PTK2B: variants seen among roughly 807,000 people sequenced by gnomAD.
PTK2B encodes the protein protein tyrosine kinase 2 beta, also known as protein-tyrosine kinase 2-beta.
In PTK2B, 71 loss-of-function variants were observed where a neutral mutation model predicts 142.9. The ratio of observed to expected loss-of-function variants is 0.50; its 90% CI spans 0.41 to 0.61. The LOEUF (loss-of-function observed/expected upper bound fraction) is 0.61, where lower values mean the gene tolerates loss of function less well. Among genes scored for constraint, PTK2B ranks in the 20% least tolerant of loss-of-function variants. The pLI is 0.00. For missense variants in PTK2B, 1,105 were observed against 1,320.4 expected (o/e 0.84, Z 2.53); for synonymous variants, 519 against 503.4 (o/e 1.03, Z -0.42).
chr8:27,401,885 G>A (rs142635503), intron 2 of PTK2B, among the ~76,000 whole-genome samples: 10 of 152,216 alleles, frequency 6.6e-5, no homozygotes, highest in African/African-American at 2.4e-4. Context: ...GATAGTGATG[G>A]TGATGGTGAT....
intron 1 of PTK2B, among the ~76,000 whole-genome samples, chr8:27,349,854 C>A (rs1035824934): frequency 6.6e-6 from 1 of 152,176 alleles, no homozygotes; most frequent in Non-Finnish European, 1.5e-5. Context: ...GCTTGCCCTT[C>A]AAGGGCCACC....
chr8:27,350,714 G>T (rs1374160209), intron 1 of PTK2B, among the ~76,000 whole-genome samples: 1 of 151,740 alleles, frequency 6.6e-6, no homozygotes, highest in Non-Finnish European at 1.5e-5. Flanking sequence ...CAAGGTGGCT[G>T]ATGCCTGTAA....
chr8:27,424,670 T>G (rs1254650545), intron 5 of PTK2B, among the ~76,000 whole-genome samples: 2 of 152,198 alleles, frequency 1.3e-5, no homozygotes, highest in Non-Finnish European at 2.9e-5. Context: ...CATTTTAAAG[T>G]CAAGTTACAA....
intron 30 of PTK2B, among the ~76,000 whole-genome samples, chr8:27,457,867 C>T (rs1449201217): frequency 6.6e-6 from 1 of 151,146 alleles, no homozygotes; most frequent in Non-Finnish European, 1.5e-5. Context: ...CCCAGCTACT[C>T]GGGAGGCTGA....
At chr8:27,430,618 C>T (rs1485568136) in intron 7 of PTK2B, among the ~76,000 whole-genome samples, 200 bp downstream of exon 7, 1 of 152,170 alleles carries the variant, frequency 6.6e-6, no homozygotes, top group Non-Finnish European at 1.5e-5. Flanking sequence ...GCTCCGGCTC[C>T]GTATCGAGGC....
chr8:27,430,265 TCTAGGTCC>T, intron 6 of PTK2B, 91 bp from the exon 7 acceptor site: 1 of 1,586,516 alleles, frequency 6.3e-7, no homozygotes, highest in Non-Finnish European at 8.7e-7. Flanking sequence ...TAGGGCCGTC[TCTAGGTCC>T]CAAAGCCCTC....
intron 18 of PTK2B, among the ~76,000 whole-genome samples, chr8:27,438,694 G>A (rs1484138513): frequency 5.3e-5 from 8 of 152,208 alleles, no homozygotes; most frequent in African/African-American, 1.7e-4. Flanking sequence ...GCACAGAAGT[G>A]GAGTGTAGCA....
intron 16 of PTK2B, 84 bp downstream of exon 16, chr8:27,437,290 A>C: frequency 6.5e-7 from 1 of 1,540,836 alleles, no homozygotes; most frequent in South Asian, 1.1e-5. Flanking sequence ...GCAGGGACCC[A>C]TGTTGGAGGA....
intron 21 of PTK2B, among the ~76,000 whole-genome samples, chr8:27,441,871 C>T (rs1301082973): frequency 6.6e-6 from 1 of 151,900 alleles, no homozygotes; most frequent in African/African-American, 2.4e-5. Context: ...GCAGGTGTCT[C>T]TCCTGGGCTG....
chr8:27,329,682 G>A (rs911591131), intron 1 of PTK2B, among the ~76,000 whole-genome samples: 9 of 152,174 alleles, frequency 5.9e-5, no homozygotes, highest in East Asian at 1.9e-4. Context: ...TGTAGAGTAC[G>A]GGTCAGTTCC....
intron 1 of PTK2B, among the ~76,000 whole-genome samples, chr8:27,340,431 T>C (rs1323494470): frequency 3.3e-5 from 5 of 152,140 alleles, no homozygotes; most frequent in African/African-American, 9.7e-5. Context: ...GGGGCCTGTT[T>C]TGGAAGCTGG....
chr8:27,381,006 A>C (rs1386556027), intron 1 of PTK2B, among the ~76,000 whole-genome samples: 1 of 152,244 alleles, frequency 6.6e-6, no homozygotes, highest in African/African-American at 2.4e-5. Flanking sequence ...ATGCTGTATT[A>C]GATACTTCAG....
chr8:27,413,418 A>G (rs896962506), intron 2 of PTK2B, among the ~76,000 whole-genome samples: 2 of 152,222 alleles, frequency 1.3e-5, no homozygotes, highest in African/African-American at 4.8e-5. Flanking sequence ...CCAGGAGCAC[A>G]CATTGCACTT....
intron 1 of PTK2B, 90 bp from the exon 2 acceptor site, chr8:27,397,458 T>C: frequency 1.0e-6 from 1 of 986,236 alleles, no homozygotes; most frequent in Non-Finnish European, 1.6e-6. Context: ...TGTGTCTGTC[T>C]TGGAGCTCGG....
At position 27,419,565 on chromosome 8, in the gene PTK2B, G is replaced by C. The variant is rs544266742; in HGVS notation, c.205-330G>C. ...TTGCAAACCACTCAGAAGGTCTGCT[G>C]TTCACATAGTGGATGTTCCGTAATT... is the stretch of plus-strand genomic sequence containing the variant. On this transcript the variant is annotated intron_variant, in intron 2 of 30. Coordinates refer to ENST00000346049, the MANE Select transcript of PTK2B (RefSeq NM_173176.3). Among the ~76,000 whole-genome samples the C allele has an allele frequency of 5.3e-5, 8 of 152,334 alleles. No homozygotes were observed. The South Asian group carries it at 1.7e-3, about 32-fold the overall frequency.
intron 2 of PTK2B, among the ~76,000 whole-genome samples, chr8:27,406,395 A>T (rs946613894): frequency 1.3e-5 from 2 of 152,142 alleles, no homozygotes; most frequent in African/African-American, 4.8e-5. Flanking sequence ...TTCAATTCAG[A>T]TCATAGTATC....
Position 27,454,147 on chromosome 8 carries a change from C to T in PTK2B, c.2596-7C>T, listed in dbSNP as rs185558305. 49 of 1,613,994 alleles carry T rather than the reference C, an allele frequency of 3.0e-5. 4 individuals carry two copies. In the South Asian group the frequency reaches 5.2e-4, roughly 17 times the overall value. On this transcript the variant is annotated splice_polypyrimidine_tract_variant and splice_region_variant and intron_variant, in intron 28 of 30. Transcript: ENST00000346049. ...CAACTCACTGGCCACCTGCGTCTTC[C>T]CCTCAGTCCATCCAGCCCACAGCTA...
intron 2 of PTK2B, among the ~76,000 whole-genome samples, chr8:27,418,922 G>T (rs1397539097): frequency 1.3e-5 from 2 of 152,198 alleles, no homozygotes; most frequent in African/African-American, 2.4e-5. Context: ...CAGCTACTCA[G>T]GAGGATGAGG....
In PTK2B at chr8:27,458,740, G is replaced by T. The variant is rs929463522; in HGVS notation, c.*231G>T. ...ACACAGGGTGACGGTGACAAAGATG[G>T]CTCAGAGGGGGACTGCTGCTGCCTG... is the stretch of plus-strand genomic sequence containing the variant. On this transcript the variant is annotated 3_prime_UTR_variant, in exon 31 of 31. Transcript: ENST00000346049. 1.9e-5 allele frequency: 11 copies of T among 578,548 alleles called. 1 individual carries two copies. The highest frequency in any genetic ancestry group is 1.3e-4 in the African/African-American group (7 of 53,598). 35.8% of individuals were successfully genotyped at this position (578,548 alleles called of 1,614,324 possible).
Sources: gnomAD v4.1 joint callset for allele counts (sites outside exome capture counted in the v4.1 genomes callset) on GRCh38, gnomAD v4.1.1 for gene constraint, MANE v1.5 for transcripts, NCBI Gene and HGNC (gene_info 2026-07-23, HGNC 2026-07-21) for gene names.